The following ENOX1 variants were observed in gnomAD, a reference collection of about 807,000 sequenced individuals.
The protein encoded by ENOX1 is ecto-NOX disulfide-thiol exchanger 1.
A neutral mutation model predicts 82.5 loss-of-function variants in ENOX1; 42 were observed. The observed-to-expected ratio is 0.51, with a 90% CI of 0.40 to 0.66. The LOEUF is 0.66. ENOX1 is among the 30% of genes least tolerant of loss of function. The pLI, the probability that ENOX1 is intolerant of heterozygous loss-of-function variation, is 0.00. For synonymous variants in ENOX1, 271 were observed against 282.2 expected (o/e 0.96, Z 0.40); for missense variants, 608 against 811.6 (o/e 0.75, Z 3.05).
chr13:43,544,121 C>G (rs2078871372), intron 2 of ENOX1: 1 of 151,950 alleles, frequency 6.6e-6, no homozygotes, highest in African/African-American at 2.4e-5. Context: ...CTCAAGTGAT[C>G]TGCCTGCATT....
chr13:43,620,368 T>C (rs1172723460), intron 2 of ENOX1, among the ~76,000 whole-genome samples: 2 of 152,106 alleles, frequency 1.3e-5, no homozygotes, highest in Non-Finnish European at 2.9e-5. Flanking sequence ...TTCAGTCTTT[T>C]TGATGTAGGG....
chr13:43,217,533 T>C (rs533281398), intron 16 of ENOX1, among the ~76,000 whole-genome samples: 1 of 152,314 alleles, frequency 6.6e-6, no homozygotes, highest in East Asian at 1.9e-4. Flanking sequence ...GAGTCTTCAC[T>C]GTGGGGCAGG....
rs537140196 is a variant in ENOX1, at chr13:43,586,414, C to T, written c.-219+81065G>A. ...ATTCATACCTGGTGCTTCAACATGA[C>T]TCTGTGCCTTTGTCTGCTGTTCTCT... is the stretch of plus-strand genomic sequence containing the variant. On this transcript the variant is annotated intron_variant, in intron 2 of 16. Coordinates refer to ENST00000690772, the MANE Select transcript of ENOX1 (RefSeq NM_001347969.2). Among the ~76,000 whole-genome samples the T allele has an allele frequency of 5.3e-4, 80 of 152,322 alleles. 1 individual carries two copies. In the South Asian group the frequency reaches 0.015, roughly 29 times the overall value.
At chr13:43,531,339 G>A (rs1445941444) in intron 2 of ENOX1, among the ~76,000 whole-genome samples, 2 of 151,988 alleles carry the variant, frequency 1.3e-5, no homozygotes, top group Non-Finnish European at 2.9e-5. Flanking sequence ...ATCATCACTG[G>A]CCATCAGAGA....
intron 1 of ENOX1, among the ~76,000 whole-genome samples, chr13:43,678,061 G>C (rs942017410): frequency 6.6e-6 from 1 of 152,154 alleles, no homozygotes; most frequent in South Asian, 2.1e-4. Context: ...TCTGGGAGGT[G>C]CTATACAAAT....
intron 11 of ENOX1, 67 bp downstream of exon 11, chr13:43,322,317 A>T (rs780149556): frequency 4.2e-4 from 520 of 1,236,532 alleles, no homozygotes; most frequent in Non-Finnish European, 5.5e-4. Flanking sequence ...CCATTTACTT[A>T]TTCCCCATCT....
intron 1 of ENOX1, among the ~76,000 whole-genome samples, chr13:43,756,742 C>G (rs1566886166): frequency 6.6e-6 from 1 of 152,018 alleles, no homozygotes; most frequent in African/African-American, 2.4e-5. Flanking sequence ...ATTGGACAGG[C>G]AGGAACAAGT....
At chr13:43,239,701 A>G (rs746271556) in intron 14 of ENOX1, among the ~76,000 whole-genome samples, 2 of 152,190 alleles carry the variant, frequency 1.3e-5, no homozygotes, top group Non-Finnish European at 2.9e-5. Flanking sequence ...AGCTAATTAG[A>G]TGGGTGAATG....
intron 2 of ENOX1, among the ~76,000 whole-genome samples, chr13:43,646,122 T>G (rs945597576): frequency 6.6e-6 from 1 of 152,228 alleles, no homozygotes; most frequent in Admixed American, 6.5e-5. Context: ...TGGCCCCCTC[T>G]GCATTGCCCT....
At chr13:43,453,727 G>T (rs2057084570) in intron 3 of ENOX1, among the ~76,000 whole-genome samples, 1 of 152,204 alleles carries the variant, frequency 6.6e-6, no homozygotes, top group African/African-American at 2.4e-5. Context: ...AGGGATGGAG[G>T]TGCTGCAAGG....
At chr13:43,403,084 AATT>A (rs2053587626) in intron 5 of ENOX1, among the ~76,000 whole-genome samples, 1 of 152,124 alleles carries the variant, frequency 6.6e-6, no homozygotes, top group South Asian at 2.1e-4. Context: ...ATATGCATGC[AATT>A]ATTTAAAAAT....
chr13:43,708,440 C>T (rs984987904), intron 1 of ENOX1, among the ~76,000 whole-genome samples: 10 of 152,168 alleles, frequency 6.6e-5, no homozygotes, highest in Admixed American at 2.0e-4. Context: ...GTGTACTTTA[C>T]TTCCTTTTGT....
intron 1 of ENOX1, among the ~76,000 whole-genome samples, chr13:43,681,766 C>T (rs963843617): frequency 1.3e-5 from 2 of 151,594 alleles, no homozygotes; most frequent in African/African-American, 2.4e-5. Context: ...AGCACATTCT[C>T]GTTGTCACTT....
At chr13:43,235,725 C>G (rs2042511792) in intron 15 of ENOX1, among the ~76,000 whole-genome samples, 1 of 143,470 alleles carries the variant, frequency 7.0e-6, no homozygotes, top group South Asian at 2.2e-4. Flanking sequence ...GAGTGAGACC[C>G]TGTCTCAAAA....
chr13:43,516,195 T>C lies in ENOX1; in HGVS notation c.-218-32043A>G, dbSNP rs1368542366. Among the ~76,000 whole-genome samples the C allele has an allele frequency of 5.3e-5, 8 of 152,148 alleles. No homozygotes were observed. In the East Asian group the frequency reaches 1.4e-3, roughly 26 times the overall value. On this transcript the variant is annotated intron_variant, in intron 2 of 16. Coordinates refer to ENST00000690772, the MANE Select transcript of ENOX1 (RefSeq NM_001347969.2). Reference sequence around the variant, plus strand: ...TTTACCAAAAGTTTCTGAATCCCTGTGTTCATTGACATATCATTAATGTCT... The same window carrying C: ...TTTACCAAAAGTTTCTGAATCCCTGCGTTCATTGACATATCATTAATGTCT...
In ENOX1 at chr13:43,531,624, CAT is replaced by C. The variant is rs1206057473; in HGVS notation, c.-218-47474_-218-47473del. On this transcript the variant is annotated intron_variant, in intron 2 of 16. Coordinates refer to ENST00000690772, the MANE Select transcript of ENOX1 (RefSeq NM_001347969.2). Reference sequence around the variant, plus strand: ...ATGCTGCTATAAAGACACATGCACACATATGTTTATTGTGGCACTATTCACAA... The same window carrying C: ...ATGCTGCTATAAAGACACATGCACACATGTTTATTGTGGCACTATTCACAA... Among the ~76,000 whole-genome samples, 10 of 144,822 alleles carry C rather than the reference CAT, an allele frequency of 6.9e-5. No individual in the cohort carries two copies. In the Admixed American group the frequency reaches 7.1e-4, roughly 10 times the overall value.
intron 9 of ENOX1, among the ~76,000 whole-genome samples, chr13:43,339,893 G>T (rs1277450865): frequency 6.6e-6 from 1 of 152,176 alleles, no homozygotes; most frequent in Non-Finnish European, 1.5e-5. Flanking sequence ...CAGACAAATG[G>T]GGTGTGACTG....
intron 2 of ENOX1, among the ~76,000 whole-genome samples, chr13:43,572,908 A>G (rs1468320407): frequency 3.9e-5 from 6 of 152,242 alleles, no homozygotes; most frequent in Non-Finnish European, 7.3e-5. Flanking sequence ...TGCATAAGAC[A>G]TGGAATTTAA....
chr13:43,344,074 C>T (rs1339757352), intron 9 of ENOX1, among the ~76,000 whole-genome samples: 3 of 152,146 alleles, frequency 2.0e-5, no homozygotes, highest in African/African-American at 7.2e-5. Flanking sequence ...GCCACAGCTC[C>T]CCCAGATAAA....
Sources: gnomAD v4.1 joint callset for allele counts (sites outside exome capture counted in the v4.1 genomes callset) on GRCh38, gnomAD v4.1.1 for gene constraint, MANE v1.5 for transcripts, NCBI Gene and HGNC (gene_info 2026-07-23, HGNC 2026-07-21) for gene names.